The following MAGEA4 variants were observed in gnomAD, a reference collection of about 807,000 sequenced individuals.
The protein encoded by MAGEA4 is melanoma-associated antigen 4.
In MAGEA4, 1 loss-of-function variant was observed where a neutral mutation model predicts 13.7. The observed-to-expected ratio is 0.07, with a 90% CI of 0.03 to 0.35. MAGEA4 has a LOEUF of 0.35. MAGEA4 is among the 10% of genes least tolerant of loss of function. MAGEA4 has a pLI of 0.99. For synonymous variants in MAGEA4, 132 were observed against 101.1 expected, an observed-to-expected ratio of 1.31 and a Z score of -1.83; for missense variants, 312 against 245.1, an observed-to-expected ratio of 1.27 and a Z score of -1.82.
At chrX:151,920,870 G>C (rs988651340) in intron 1 of MAGEA4, among the ~76,000 whole-genome samples, 4 of 110,331 alleles carry the variant, frequency 3.6e-5, no homozygotes, top group African/African-American at 1.3e-4. Context: ...CTCTGAGGGA[G>C]GATTCAGGAA....
At chrX:151,921,494 C>T (rs911589485) in intron 1 of MAGEA4, among the ~76,000 whole-genome samples, 6 of 112,395 alleles carry the variant, frequency 5.3e-5, no homozygotes, top group African/African-American at 1.6e-4. Context: ...ACTAAAGCTA[C>T]AGGGGACTCT....
chrX:151,923,826 G>A lies in MAGEA4; in HGVS notation c.162G>A (p.Val54=), dbSNP rs1236396849. The A allele has an allele frequency of 1.7e-6, 2 of 1,207,776 alleles. No individual in the cohort carries two copies. Among genetic ancestry groups the A allele is most frequent in the Non-Finnish European group, 2.2e-6 (2 of 894,282 alleles). ...SPLVPGTLEE[V]PAAESAGPPQ... The stretch of plus-strand genomic sequence containing the variant: ...TGGTCCCTGGCACCCTGGAGGAAGT[G>A]CCTGCTGCTGAGTCAGCAGGTCCTC... The change falls in exon 3 of 3, where the codon GTG becomes GTA. Residue 54 remains valine (V), a synonymous_variant. Coordinates refer to ENST00000276344, the MANE Select transcript of MAGEA4 (RefSeq NM_001011548.1).
intron 1 of MAGEA4, among the ~76,000 whole-genome samples, chrX:151,922,721 C>T (rs1382754468): frequency 1.8e-5 from 2 of 111,484 alleles, no homozygotes; most frequent in African/African-American, 6.5e-5. Context: ...TGTTGTCACC[C>T]CAGAGAGCAT....
In MAGEA4 at chrX:151,924,542, G is replaced by A; in HGVS notation, c.878G>A (p.Arg293Lys). 8.3e-7 allele frequency: 1 copy of A among 1,209,844 alleles called. No individual in the cohort carries two copies. The highest frequency in any genetic ancestry group is 1.1e-6 in the Non-Finnish European group (1 of 894,671). Residue 293 changes from arginine to lysine, a missense_variant, in exon 3 of 3, where the codon AGG (arginine) becomes AAG (lysine). By Grantham distance (26) the Arg-to-Lys change is conservative (BLOSUM62 2). Coordinates refer to ENST00000276344, the MANE Select transcript of MAGEA4 (RefSeq NM_001011548.1). ...SYVKVLEHVV[R>K]VNARVRIAYP... ...GTGAAAGTCCTGGAGCATGTGGTCAGGGTCAATGCAAGAGTTCGCATTGCC... is the reference window on the plus strand; with the variant it reads ...GTGAAAGTCCTGGAGCATGTGGTCAAGGTCAATGCAAGAGTTCGCATTGCC...
chrX:151,922,803 C>A (rs1933510558), intron 1 of MAGEA4, among the ~76,000 whole-genome samples: 1 of 111,901 alleles, frequency 8.9e-6, no homozygotes. Context: ...AGGCCTTGGT[C>A]TGAGGGGGCT....
chrX:151,923,116 G>T (rs1249063904), intron 1 of MAGEA4, among the ~76,000 whole-genome samples: 1 of 111,799 alleles, frequency 8.9e-6, no homozygotes, highest in East Asian at 2.8e-4. Flanking sequence ...TGAGAGTGGG[G>T]ACCTCACAGA....
In MAGEA4 at chrX:151,924,086, T is replaced by C; in HGVS notation, c.422T>C (p.Ile141Thr). Residue 141 changes from isoleucine (I) to threonine (T), a missense_variant, in exon 3 of 3, where the codon ATC becomes ACC. Coordinates refer to ENST00000276344, the MANE Select transcript of MAGEA4 (RefSeq NM_001011548.1). ...VTKAEMLERV[I>T]KNYKRCFPVI... is the part of the protein sequence containing the mutation. Reference sequence around the variant, plus strand: ...AAGGCAGAAATGCTGGAGAGAGTCATCAAAAATTACAAGCGCTGCTTTCCT... The same window carrying C: ...AAGGCAGAAATGCTGGAGAGAGTCACCAAAAATTACAAGCGCTGCTTTCCT... 1.7e-6 allele frequency: 2 copies of C among 1,211,876 alleles called. No individual in the cohort carries two copies. The highest frequency in any genetic ancestry group is 2.2e-6 in the Non-Finnish European group (2 of 895,550).
At chrX:151,920,371 T>A in intron 1 of MAGEA4, among the ~76,000 whole-genome samples, 1 of 108,384 alleles carries the variant, frequency 9.2e-6, no homozygotes, top group South Asian at 4.1e-4. Flanking sequence ...CTGCTTCCAG[T>A]CCTGGGCCAC....
chrX:151,923,381 A>T, intron 1 of MAGEA4, 72 bp from the exon 2 acceptor site: 1 of 894,516 alleles, frequency 1.1e-6, no homozygotes, highest in Non-Finnish European at 1.5e-6. Flanking sequence ...TCACCTCCCT[A>T]CCATCAATCC....
At chrX:151,918,070 G>C (rs1447541670) in intron 1 of MAGEA4, among the ~76,000 whole-genome samples, 3 of 46,382 alleles carry the variant, frequency 6.5e-5, no homozygotes, top group East Asian at 8.9e-4. Flanking sequence ...CCCAAAAACC[G>C]GGGCCCCTCC....
chrX:151,913,232 T>G (rs1932980203), intron 1 of MAGEA4, among the ~76,000 whole-genome samples: 1 of 109,608 alleles, frequency 9.1e-6, no homozygotes, highest in African/African-American at 3.3e-5. Context: ...ACCACACCGC[T>G]ATTCCCATCC....
At chrX:151,913,484 G>T in intron 1 of MAGEA4, 3 of 728,957 alleles carry the variant, frequency 4.1e-6, no homozygotes, top group Non-Finnish European at 4.9e-6. Context: ...CGGATGTGAT[G>T]CCACTGACTT....
intron 1 of MAGEA4, chrX:151,913,935 C>T (rs1309637036): frequency 2.2e-5 from 2 of 91,428 alleles, no homozygotes; most frequent in African/African-American, 4.1e-5. Context: ...CACTCCTCTC[C>T]TCTTCAACCC....
At chrX:151,920,651 A>AC (rs1487374609) in intron 1 of MAGEA4, among the ~76,000 whole-genome samples, 1 of 61,585 alleles carries the variant, frequency 1.6e-5, no homozygotes, top group Non-Finnish European at 3.1e-5. Flanking sequence ...CCAGCCTCAT[A>AC]CCCCCCTCCC....
At chrX:151,919,100 G>T (rs73639008) in intron 1 of MAGEA4, 10 of 737,076 alleles carry the variant, frequency 1.4e-5, no homozygotes, top group Non-Finnish European at 1.6e-5. Flanking sequence ...AAATAATCCC[G>T]CACCACTCCT....
At chrX:151,919,970 TC>T (rs1334349730) in intron 1 of MAGEA4, among the ~76,000 whole-genome samples, 1 of 94,235 alleles carries the variant, frequency 1.1e-5, no homozygotes, top group African/African-American at 4.0e-5. Context: ...GGGCCGAGGG[TC>T]CCCCACCCCC....
chrX:151,922,893 A>G (rs1933513939), intron 1 of MAGEA4, among the ~76,000 whole-genome samples: 1 of 112,479 alleles, frequency 8.9e-6, no homozygotes, highest in Non-Finnish European at 1.9e-5. Context: ...CATCCAGGAC[A>G]CATGGGTTCC....
rs146055714 is a variant in MAGEA4 at position 151,924,414 on chromosome X, T to G, written c.750T>G (p.Asp250Glu). ...AGCCCAGGAAACTGCTCACCCAAGA[T>G]TGGGTGCAGGAAAACTACCTGGAGT... Reference protein sequence around the residue: ...YGEPRKLLTQDWVQENYLEYR... With the variant: ...YGEPRKLLTQEWVQENYLEYR... The change falls in exon 3 of 3, where the codon GAT becomes GAG. Residue 250 changes from aspartate (D) to glutamate (E), a missense_variant. Asp to Glu is a conservative substitution (Grantham distance 45). Coordinates refer to ENST00000276344, the MANE Select transcript of MAGEA4 (RefSeq NM_001011548.1). The G allele has an allele frequency of 8.3e-7, 1 of 1,211,029 alleles. No homozygotes were observed. The highest frequency in any genetic ancestry group is 1.7e-5 in the African/African-American group (1 of 57,781).
At chrX:151,913,471 G>A (rs367804149) in intron 1 of MAGEA4, 5 of 720,515 alleles carry the variant, frequency 6.9e-6, no homozygotes, top group East Asian at 1.6e-4. Context: ...AGCCCCAGGG[G>A]CCCGGATGTG....
Sources: gnomAD v4.1 joint callset for allele counts (sites outside exome capture counted in the v4.1 genomes callset) on GRCh38, gnomAD v4.1.1 for gene constraint, MANE v1.5 for transcripts, NCBI Gene and HGNC (gene_info 2026-07-23, HGNC 2026-07-21) for gene names.